The following PHF21A variants were observed in gnomAD, a reference collection of about 807,000 sequenced individuals.
The protein encoded by PHF21A is PHD finger protein 21A, also known as BHC80a.
In PHF21A, 11 loss-of-function variants were observed where a neutral mutation model predicts 82.5. The observed-to-expected ratio is 0.13, with a 90% confidence interval of 0.08 to 0.22. The LOEUF is 0.22. Among genes scored for constraint, PHF21A ranks in the 10% least tolerant of loss-of-function variants. The pLI is 1.00. For synonymous variants in PHF21A, 297 were observed against 302.8 expected, an observed-to-expected ratio of 0.98 and a Z score of 0.20; for missense variants, 579 against 837.8, an observed-to-expected ratio of 0.69 and a Z score of 3.81.
intron 15 of PHF21A, among the ~76,000 whole-genome samples, chr11:45,940,056 G>C (rs146162606): frequency 1.3e-5 from 2 of 152,112 alleles, no homozygotes; most frequent in Non-Finnish European, 2.9e-5. Context: ...ACCACCACTA[G>C]TGAAGGAACA....
At chr11:46,055,254 T>G (rs1206579475) in intron 6 of PHF21A, among the ~76,000 whole-genome samples, 1 of 152,186 alleles carries the variant, frequency 6.6e-6, no homozygotes, top group Non-Finnish European at 1.5e-5. Flanking sequence ...ATTTTTTTTA[T>G]CATTTCCAAA....
At position 46,121,403 on chromosome 11, in the gene PHF21A, C is replaced by T. The variant is rs1418045426; in HGVS notation, c.-705G>A. On this transcript the variant is annotated 5_prime_UTR_variant, in exon 1 of 19. Coordinates refer to ENST00000676320, the MANE Select transcript of PHF21A (RefSeq NM_001352027.3). ...CTCTTCATCCTCCTCCTCCTCTCAG[C>T]AGCAGCAGCGAGCACCACCAGCCCA... 6.6e-6 allele frequency among the ~76,000 whole-genome samples: 1 copy of T among 151,682 alleles called. No individual in the cohort carries two copies. The highest frequency in any genetic ancestry group is 1.9e-4 in the East Asian group (1 of 5,136).
At chr11:45,985,560 T>A (rs1274510123) in intron 6 of PHF21A, among the ~76,000 whole-genome samples, 1 of 152,134 alleles carries the variant, frequency 6.6e-6, no homozygotes, top group Admixed American at 6.5e-5. Flanking sequence ...AGGATAGAAT[T>A]CTAACAGAGG....
intron 6 of PHF21A, among the ~76,000 whole-genome samples, chr11:46,014,605 A>G (rs1163706882): frequency 3.3e-5 from 5 of 152,164 alleles, no homozygotes; most frequent in Admixed American, 3.3e-4. Context: ...AGGCTGAACT[A>G]ATTTACATTC....
At chr11:46,119,744 GAA>G (rs60856235) in intron 1 of PHF21A, 4 of 139,952 alleles carry the variant, frequency 2.9e-5, no homozygotes, top group Non-Finnish European at 3.1e-5. Context: ...GTGGTCAGGG[GAA>G]AAAAAAAAAA....
chr11:45,936,509 T>C lies in PHF21A; in HGVS notation c.1669A>G (p.Ile557Val). ...PGTLAIVHSY[I>V]AYKAAKEEEK... ...AACTCCTTACCTGCTTTGTAGGCAATATAGGAATGAACAATTGCTAAAGTT... is the reference window on the plus strand; with the variant it reads ...AACTCCTTACCTGCTTTGTAGGCAACATAGGAATGAACAATTGCTAAAGTT... The change falls in exon 17 of 19, where the codon ATT becomes GTT. Residue 557 changes from isoleucine to valine, a missense_variant. Transcript: ENST00000676320. 1 of 1,610,744 alleles carries C rather than the reference T, an allele frequency of 6.2e-7. No homozygotes were observed. The highest frequency in any genetic ancestry group is 8.5e-7 in the Non-Finnish European group (1 of 1,176,940).
At chr11:45,952,112 TTGA>T (rs1395586978) in intron 11 of PHF21A, among the ~76,000 whole-genome samples, 4 of 152,220 alleles carry the variant, frequency 2.6e-5, no homozygotes, top group Admixed American at 2.6e-4. Context: ...GCCTAAATTT[TTGA>T]TGATAGAATA....
intron 6 of PHF21A, among the ~76,000 whole-genome samples, chr11:46,057,507 T>C (rs11038756): frequency 0.025 from 3,861 of 152,264 alleles, 54 homozygotes; most frequent in Middle Eastern, 0.034. Context: ...TCTTGACTTA[T>C]AAAGGGAAAA....
At chr11:45,978,126 C>T (rs993339614) in intron 7 of PHF21A, among the ~76,000 whole-genome samples, 1 of 151,926 alleles carries the variant, frequency 6.6e-6, no homozygotes, top group Non-Finnish European at 1.5e-5. Context: ...ATGGTAAAAC[C>T]CTGTCTCTAC....
rs1027297297 is a variant in PHF21A at position 45,971,499 on chromosome 11, A to G, written c.361-132T>C. The G allele has an allele frequency of 1.5e-5, 13 of 840,788 alleles. No homozygotes were observed. In the African/African-American group the frequency reaches 2.2e-4, roughly 14 times the overall value. 52.1% of individuals were successfully genotyped at this position (840,788 alleles called of 1,614,324 possible). A position where few individuals can be genotyped will look rare whatever the true frequency, so the allele number is the denominator to read the frequency against. ...AATTCTCATAATCAAGTTTCTCTGT[A>G]GAACAACATTTCTTTTGTGTACATA... On this transcript the variant is annotated intron_variant, in intron 7 of 18. Transcript: ENST00000676320.
At chr11:46,010,447 G>A (rs1032415068) in intron 6 of PHF21A, among the ~76,000 whole-genome samples, 2 of 152,192 alleles carry the variant, frequency 1.3e-5, no homozygotes, top group Non-Finnish European at 2.9e-5. Context: ...AAATTATACA[G>A]TTAAGTGGCA....
intron 6 of PHF21A, among the ~76,000 whole-genome samples, chr11:46,033,220 T>C (rs1425622315): frequency 2.0e-5 from 3 of 152,238 alleles, no homozygotes; most frequent in Non-Finnish European, 2.9e-5. Context: ...AATTTACTTA[T>C]CCTATCACAG....
At chr11:46,032,437 T>C (rs1366188232) in intron 6 of PHF21A, among the ~76,000 whole-genome samples, 1 of 152,056 alleles carries the variant, frequency 6.6e-6, no homozygotes, top group Non-Finnish European at 1.5e-5. Context: ...CAGTATCATC[T>C]ACTTCCTTTT....
chr11:46,056,990 G>C (rs1165071161), intron 6 of PHF21A, among the ~76,000 whole-genome samples: 1 of 150,778 alleles, frequency 6.6e-6, no homozygotes, highest in Non-Finnish European at 1.5e-5. Flanking sequence ...TTTAAATATA[G>C]TAAAAAAAAA....
chr11:45,947,145 C>T (rs2091416325), intron 14 of PHF21A, among the ~76,000 whole-genome samples: 1 of 152,200 alleles, frequency 6.6e-6, no homozygotes, highest in African/African-American at 2.4e-5. Flanking sequence ...AGCATTTTGA[C>T]TCAAACTTCA....
chr11:45,933,388 C>T lies in PHF21A; in HGVS notation c.*580G>A, dbSNP rs1244932110. ...CCCCGCCAGAGGTGATTAAATACTG[C>T]TTATTTGATACACTGTCCCACCCCC... On this transcript the variant is annotated 3_prime_UTR_variant, in exon 19 of 19. Coordinates refer to ENST00000676320, the MANE Select transcript of PHF21A (RefSeq NM_001352027.3). The T allele has an allele frequency of 6.5e-6, 1 of 152,690 alleles. No homozygotes were observed. Among genetic ancestry groups the T allele is most frequent in the African/African-American group, 2.4e-5 (1 of 41,446 alleles). 9.5% of individuals were successfully genotyped at this position (152,690 alleles called of 1,614,324 possible).
At chr11:46,032,392 A>G (rs954435288) in intron 6 of PHF21A, among the ~76,000 whole-genome samples, 14 of 152,178 alleles carry the variant, frequency 9.2e-5, no homozygotes, top group African/African-American at 3.1e-4. Flanking sequence ...TCGTTTATTT[A>G]ATAATATGTC....
At chr11:46,016,188 T>C (rs2095514886) in intron 6 of PHF21A, among the ~76,000 whole-genome samples, 1 of 152,178 alleles carries the variant, frequency 6.6e-6, no homozygotes, top group East Asian at 1.9e-4. Flanking sequence ...GGGACCACCA[T>C]CATATATGTG....
intron 15 of PHF21A, among the ~76,000 whole-genome samples, chr11:45,942,644 C>T (rs1313113398): frequency 2.0e-5 from 3 of 152,198 alleles, no homozygotes; most frequent in Non-Finnish European, 2.9e-5. Context: ...CCACCAGCGA[C>T]GTCTAAGGAA....
Sources: gnomAD v4.1 joint callset for allele counts (sites outside exome capture counted in the v4.1 genomes callset) on GRCh38, gnomAD v4.1.1 for gene constraint, MANE v1.5 for transcripts, NCBI Gene and HGNC (gene_info 2026-07-23, HGNC 2026-07-21) for gene names.